Variants in PNPT1 observed in about 807,000 individuals in gnomAD.
PNPT1 encodes polyribonucleotide nucleotidyltransferase 1.
PNPT1 carries 53 observed loss-of-function variants against 119.5 expected under a neutral mutation model. That is an observed-to-expected ratio of 0.44 (90% CI 0.36 to 0.56). The LOEUF is 0.56. Ranked by LOEUF, PNPT1 falls within the 20% of genes least tolerant of loss-of-function variation. The pLI is 0.00. For synonymous variants in PNPT1, 357 were observed against 322.1 expected (o/e 1.11, Z -1.16); for missense variants, 948 against 938.5 (o/e 1.01, Z -0.13).
intron 15 of PNPT1, among the ~76,000 whole-genome samples, chr2:55,659,013 G>A (rs868066337): frequency 1.4e-4 from 22 of 152,102 alleles, no homozygotes; most frequent in South Asian, 4.1e-4. Context: ...GAAGTGCGGC[G>A]GAGTGATAAT....
rs559380165 is a variant in PNPT1 at position 55,638,170 on chromosome 2, C to T, written c.2149-571G>A. On this transcript the variant is annotated intron_variant, in intron 26 of 27. Coordinates refer to ENST00000447944, the MANE Select transcript of PNPT1 (RefSeq NM_033109.5). Reference sequence around the variant, plus strand: ...TACAAAAACTAGCTGGGTGTCGTGGCACACGCCTGTAGTCCCAGCTACTTG... The same window carrying T: ...TACAAAAACTAGCTGGGTGTCGTGGTACACGCCTGTAGTCCCAGCTACTTG... Among the ~76,000 whole-genome samples, 18 of 151,780 alleles carry T rather than the reference C, an allele frequency of 1.2e-4. No homozygotes were observed. The South Asian group carries it at 3.5e-3, about 30-fold the overall frequency.
intron 26 of PNPT1, among the ~76,000 whole-genome samples, chr2:55,638,995 C>G (rs749262047): frequency 2.6e-5 from 4 of 152,126 alleles, no homozygotes; most frequent in Non-Finnish European, 5.9e-5. Flanking sequence ...ATGCTGGTCT[C>G]AAACTCCTGA....
intron 25 of PNPT1, among the ~76,000 whole-genome samples, chr2:55,641,310 C>G (rs1695828295): frequency 6.7e-6 from 1 of 148,276 alleles, no homozygotes; most frequent in Admixed American, 6.7e-5. Flanking sequence ...TTTTTGCCAC[C>G]CAGGCTGGAG....
chr2:55,687,213 C>A (rs1454755375), intron 2 of PNPT1, among the ~76,000 whole-genome samples: 198 of 93,956 alleles, frequency 2.1e-3, no homozygotes, highest in Middle Eastern at 5.8e-3. Context: ...GACTCCATCT[C>A]AAAAAAAAAA....
At chr2:55,652,114 A>T (rs1215334954) in intron 18 of PNPT1, among the ~76,000 whole-genome samples, 1 of 152,200 alleles carries the variant, frequency 6.6e-6, no homozygotes, top group Non-Finnish European at 1.5e-5. Flanking sequence ...AATTATGCTC[A>T]GCCTAGTTCA....
intron 18 of PNPT1, among the ~76,000 whole-genome samples, chr2:55,651,114 AGGTGAGG>A (rs1294521087): frequency 7.0e-6 from 1 of 143,668 alleles, no homozygotes; most frequent in Non-Finnish European, 1.5e-5. Context: ...CCCGTCCGGG[AGGTGAGG>A]GGCGCCTCTG....
At chr2:55,674,514 A>G (rs1341048958) in intron 8 of PNPT1, among the ~76,000 whole-genome samples, 1 of 152,040 alleles carries the variant, frequency 6.6e-6, no homozygotes, top group Non-Finnish European at 1.5e-5. Context: ...AATCACTTGA[A>G]CCCAGGAGGT....
At chr2:55,669,891 T>G (rs1572821102) in intron 11 of PNPT1, among the ~76,000 whole-genome samples, 2 of 151,688 alleles carry the variant, frequency 1.3e-5, no homozygotes, top group African/African-American at 4.8e-5. Context: ...CCCAAGTAGC[T>G]GGGATTACAG....
intron 18 of PNPT1, among the ~76,000 whole-genome samples, chr2:55,648,399 G>A (rs1363717201): frequency 6.6e-6 from 1 of 152,088 alleles, no homozygotes; most frequent in Non-Finnish European, 1.5e-5. Context: ...GTGCATTTAC[G>A]TTTGTTAGAC....
rs750978015 is a variant in PNPT1 at position 55,646,432 on chromosome 2, C to T, written c.1657G>A (p.Gly553Arg). 3 of 1,612,548 alleles carry T rather than the reference C, an allele frequency of 1.9e-6. No homozygotes were observed. The highest frequency in any genetic ancestry group is 2.5e-6 in the Non-Finnish European group (3 of 1,179,384). The change falls in exon 20 of 28, where the codon GGA (glycine) becomes AGA (arginine). Residue 553 changes from glycine to arginine, a missense_variant. Transcript: ENST00000447944. ...AAAAATACCTGTAATGCAGTTATTC[C>T]TTTATTAGTGCCAGCTATTTTGAAG... ...MDFKIAGTNK[G>R]ITALQADIKL...
intron 9 of PNPT1, 137 bp from the exon 10 acceptor site, chr2:55,672,183 T>C: frequency 1.5e-6 from 1 of 654,156 alleles, no homozygotes; most frequent in Non-Finnish European, 2.5e-6. Context: ...TGAAAATTTA[T>C]ATTGCTATTT....
intron 1 of PNPT1, among the ~76,000 whole-genome samples, chr2:55,691,910 A>G (rs4567982): frequency 0.43 from 47,815 of 110,364 alleles, 11,898 homozygotes; most frequent in African/African-American, 0.59. Flanking sequence ...TTTGAGACAA[A>G]AGTTTCACTC....
chr2:55,647,617 T>G (rs1696043174), intron 18 of PNPT1, among the ~76,000 whole-genome samples, 164 bp from the exon 19 acceptor site: 1 of 152,006 alleles, frequency 6.6e-6, no homozygotes, highest in Non-Finnish European at 1.5e-5. Flanking sequence ...CTTCCTGGGT[T>G]CAAGCAATCC....
intron 7 of PNPT1, among the ~76,000 whole-genome samples, chr2:55,680,048 GC>G (rs1697196299): frequency 6.6e-6 from 1 of 152,056 alleles, no homozygotes; most frequent in African/African-American, 2.4e-5. Flanking sequence ...CCCTGGTCTA[GC>G]CAGTCAGTAT....
chr2:55,682,276 G>C (rs1266479594), intron 5 of PNPT1, among the ~76,000 whole-genome samples: 1 of 151,866 alleles, frequency 6.6e-6, no homozygotes, highest in Non-Finnish European at 1.5e-5. Flanking sequence ...TGGCCAACAT[G>C]GCAAAACCCC....
intron 8 of PNPT1, among the ~76,000 whole-genome samples, chr2:55,679,161 A>T (rs1259619288): frequency 1.3e-5 from 2 of 152,188 alleles, no homozygotes; most frequent in Non-Finnish European, 2.9e-5. Flanking sequence ...TGTCACAAGG[A>T]GTAAGTGAAA....
chr2:55,667,303 T>C (rs893090268), intron 12 of PNPT1, among the ~76,000 whole-genome samples: 5 of 152,016 alleles, frequency 3.3e-5, no homozygotes. Flanking sequence ...GTTAAAAAAC[T>C]CTACAGGTAG....
In PNPT1 at chr2:55,685,054, G is replaced by T; in HGVS notation, c.298-6C>A. ...GCTTTTTGTCTGTAGTCAACCTGAA[G>T]CAGCAATAAAAAAAAGTTCATATAA... On this transcript the variant is annotated splice_polypyrimidine_tract_variant and splice_region_variant and intron_variant, in intron 3 of 27. Coordinates refer to ENST00000447944, the MANE Select transcript of PNPT1 (RefSeq NM_033109.5). 6.4e-7 allele frequency: 1 copy of T among 1,564,372 alleles called. No individual in the cohort carries two copies. The highest frequency in any genetic ancestry group is 1.2e-5 in the South Asian group (1 of 85,328).
At chr2:55,685,597 C>T (rs181136094) in intron 3 of PNPT1, among the ~76,000 whole-genome samples, 1 of 152,154 alleles carries the variant, frequency 6.6e-6, no homozygotes, top group Admixed American at 6.5e-5. Flanking sequence ...GCCACAGATG[C>T]TCATTCTGAT....
Sources: gnomAD v4.1 joint callset for allele counts (sites outside exome capture counted in the v4.1 genomes callset) on GRCh38, gnomAD v4.1.1 for gene constraint, MANE v1.5 for transcripts, NCBI Gene and HGNC (gene_info 2026-07-23, HGNC 2026-07-21) for gene names.